VWA8: variants seen among roughly 807,000 people sequenced by gnomAD.
The protein encoded by VWA8 is von Willebrand factor A domain-containing protein 8.
A neutral mutation model predicts 241.5 loss-of-function variants in VWA8; 221 were observed. The observed-to-expected ratio is 0.91, with a 90% CI of 0.82 to 1.02. The LOEUF is 1.02. Among genes scored for constraint, VWA8 ranks in the 50% least tolerant of loss-of-function variants. The pLI is 0.00. For missense variants in VWA8, 2,322 were observed against 2,328.7 expected, an observed-to-expected ratio of 1.00 and a Z score of 0.06; for synonymous variants, 852 against 827.1, an observed-to-expected ratio of 1.03 and a Z score of -0.52.
At chr13:41,743,052 A>G (rs2137880869) in intron 21 of VWA8, among the ~76,000 whole-genome samples, 1 of 152,312 alleles carries the variant, frequency 6.6e-6, no homozygotes, top group Non-Finnish European at 1.5e-5. Flanking sequence ...GCTGCACAGA[A>G]CAAGTTGGGG....
intron 21 of VWA8, among the ~76,000 whole-genome samples, chr13:41,757,413 A>T (rs75866670): frequency 0.033 from 5,015 of 151,854 alleles, 271 homozygotes; most frequent in African/African-American, 0.11. Flanking sequence ...GAGTAAAAGA[A>T]CCAGTATTAG....
intron 1 of VWA8, among the ~76,000 whole-genome samples, chr13:41,950,493 A>C (rs376163576): frequency 2.9e-3 from 417 of 144,684 alleles, no homozygotes; most frequent in African/African-American, 9.0e-3. Context: ...CTCAGCCTCC[A>C]GAGTAGCTGG....
intron 29 of VWA8, 52 bp from the exon 30 acceptor site, chr13:41,693,024 T>G (rs1328868435): frequency 1.4e-6 from 2 of 1,412,312 alleles, no homozygotes; most frequent in South Asian, 2.7e-5. Flanking sequence ...TTTTTTTTTT[T>G]TTTTTAAAGC....
intron 1 of VWA8, among the ~76,000 whole-genome samples, chr13:41,953,007 A>G (rs926527145): frequency 1.4e-4 from 22 of 152,088 alleles, no homozygotes; most frequent in African/African-American, 5.3e-4. Flanking sequence ...AACACAGCAA[A>G]CCCATAATGG....
At chr13:41,850,973 T>C (rs930822175) in intron 12 of VWA8, among the ~76,000 whole-genome samples, 10 of 152,126 alleles carry the variant, frequency 6.6e-5, no homozygotes, top group African/African-American at 2.4e-4. Context: ...ACAAACAAAG[T>C]GAAAAGCTCA....
intron 1 of VWA8, among the ~76,000 whole-genome samples, chr13:41,950,646 G>A (rs766355755): frequency 2.0e-5 from 3 of 147,732 alleles, no homozygotes; most frequent in Non-Finnish European, 4.4e-5. Flanking sequence ...GGGATTACAG[G>A]CATGAGTCAC....
At chr13:41,634,729 T>C (rs949692436) in intron 37 of VWA8, among the ~76,000 whole-genome samples, 4 of 152,090 alleles carry the variant, frequency 2.6e-5, no homozygotes, top group Non-Finnish European at 5.9e-5. Context: ...CAGACTAAAT[T>C]ATTTCTAGCT....
Position 41,758,369 on chromosome 13 carries a change from C to CATATATATATATATAT in VWA8, c.2426+2743_2426+2758dup, listed in dbSNP as rs374621428. 1.1e-4 allele frequency among the ~76,000 whole-genome samples: 8 copies of CATATATATATATATAT among 72,988 alleles called. 1 individual carries two copies. The highest frequency in any genetic ancestry group is 4.4e-4 in the African/African-American group (8 of 18,262). 47.9% of individuals were successfully genotyped at this position (72,988 alleles called of 152,430 possible). ...TTTTTCCCATTGCTATAGATACTAG[C>CATATATATATATATAT]ATATATATATATATATATATATACG... On this transcript the variant is annotated intron_variant, in intron 21 of 44. Coordinates refer to ENST00000379310, the MANE Select transcript of VWA8 (RefSeq NM_015058.2).
At chr13:41,872,018 T>A (rs2138059233) in intron 9 of VWA8, among the ~76,000 whole-genome samples, 1 of 152,332 alleles carries the variant, frequency 6.6e-6, no homozygotes, top group South Asian at 2.1e-4. Context: ...TGAGATGGTA[T>A]CTCATTGTGG....
rs980601114 is a variant in VWA8, at chr13:41,799,092, C to T, written c.2064-11549G>A. Among the ~76,000 whole-genome samples, 23 of 152,130 alleles carry T rather than the reference C, an allele frequency of 1.5e-4. 1 individual carries two copies. Among genetic ancestry groups the T allele is most frequent in the Non-Finnish European group, 2.5e-4 (17 of 68,032 alleles). On this transcript the variant is annotated intron_variant, in intron 17 of 44. Transcript: ENST00000379310. Reference sequence around the variant, plus strand: ...GTAAGTTTTAATAACCTTAAACATACTTATTTGATAGTCTCAAATTGTTCT... The same window carrying T: ...GTAAGTTTTAATAACCTTAAACATATTTATTTGATAGTCTCAAATTGTTCT...
chr13:41,743,068 T>C (rs922738710), intron 21 of VWA8, among the ~76,000 whole-genome samples: 4 of 152,084 alleles, frequency 2.6e-5, no homozygotes, highest in East Asian at 1.9e-4. Context: ...TGGGGAGTAA[T>C]AGATATGGTA....
At chr13:41,841,967 C>T (rs1223046638) in intron 12 of VWA8, among the ~76,000 whole-genome samples, 1 of 148,756 alleles carries the variant, frequency 6.7e-6, no homozygotes, top group East Asian at 2.0e-4. Context: ...CCAGGTCTAC[C>T]TCAAATGAGT....
chr13:41,845,899 C>T (rs957893736), intron 12 of VWA8, among the ~76,000 whole-genome samples: 8 of 152,092 alleles, frequency 5.3e-5, no homozygotes, highest in East Asian at 3.8e-4. Context: ...CTGGGTGATA[C>T]GACCATTCAT....
At chr13:41,758,929 G>GT (rs1390162681) in intron 21 of VWA8, among the ~76,000 whole-genome samples, 2 of 151,186 alleles carry the variant, frequency 1.3e-5, no homozygotes, top group Non-Finnish European at 3.0e-5. Flanking sequence ...GGATCATATG[G>GT]TTTTTTATTT....
intron 37 of VWA8, among the ~76,000 whole-genome samples, chr13:41,654,982 A>G (rs1235094670): frequency 6.6e-6 from 1 of 152,194 alleles, no homozygotes; most frequent in East Asian, 1.9e-4. Flanking sequence ...TGAAATTTGA[A>G]TAAGGTCTGT....
chr13:41,921,451 G>A (rs1280898519), intron 2 of VWA8, among the ~76,000 whole-genome samples: 1 of 152,148 alleles, frequency 6.6e-6, no homozygotes, highest in East Asian at 1.9e-4. Flanking sequence ...AATCAGGCAG[G>A]AGAAAGAAAT....
chr13:41,746,293 A>G (rs527241103), intron 21 of VWA8, among the ~76,000 whole-genome samples: 1 of 152,298 alleles, frequency 6.6e-6, no homozygotes, highest in African/African-American at 2.4e-5. Flanking sequence ...GAAAATACAC[A>G]CTGCATCTCA....
At chr13:41,850,724 C>T (rs1177181226) in intron 12 of VWA8, among the ~76,000 whole-genome samples, 1 of 152,132 alleles carries the variant, frequency 6.6e-6, no homozygotes, top group African/African-American at 2.4e-5. Context: ...CCTATCAAGG[C>T]CAGTCTATAA....
intron 20 of VWA8, among the ~76,000 whole-genome samples, chr13:41,761,732 C>T (rs909126591): frequency 3.3e-5 from 5 of 152,010 alleles, no homozygotes; most frequent in Admixed American, 2.0e-4. Flanking sequence ...AAACTTAAAA[C>T]CAAGGTGTAT....
Sources: gnomAD v4.1 joint callset for allele counts (sites outside exome capture counted in the v4.1 genomes callset) on GRCh38, gnomAD v4.1.1 for gene constraint, MANE v1.5 for transcripts, NCBI Gene and HGNC (gene_info 2026-07-23, HGNC 2026-07-21) for gene names.